C1GALT1: variants seen among roughly 807,000 people sequenced by gnomAD.
The protein encoded by C1GALT1 is glycoprotein-N-acetylgalactosamine 3-beta-galactosyltransferase 1.
A neutral mutation model predicts 31.0 loss-of-function variants in C1GALT1; 11 were observed. The ratio of observed to expected loss-of-function variants is 0.36; its 90% CI spans 0.22 to 0.59. The LOEUF (loss-of-function observed/expected upper bound fraction) is 0.59. Among genes scored for constraint, C1GALT1 ranks in the 20% least tolerant of loss-of-function variants. C1GALT1 has a pLI of 0.79. For missense variants in C1GALT1, 424 were observed against 425.2 expected (o/e 1.00, Z 0.03); for synonymous variants, 175 against 143.6 (o/e 1.22, Z -1.56).
chr7:7,236,995 C>T (rs1783389773), intron 2 of C1GALT1, among the ~76,000 whole-genome samples: 1 of 152,182 alleles, frequency 6.6e-6, no homozygotes, highest in African/African-American at 2.4e-5. Flanking sequence ...CTGCCCAGAA[C>T]ATTGCTACTG....
intron 1 of C1GALT1, among the ~76,000 whole-genome samples, chr7:7,203,913 C>T (rs1243356905): frequency 1.3e-5 from 2 of 152,062 alleles, no homozygotes; most frequent in African/African-American, 2.4e-5. Flanking sequence ...ACTTATTTCT[C>T]CAACTATTAT....
rs146094121 is a variant in C1GALT1, at chr7:7,232,326, G to C, written c.-17-1977G>C. Among the ~76,000 whole-genome samples the C allele has an allele frequency of 4.6e-5, 7 of 152,254 alleles. No homozygotes were observed. The East Asian group carries it at 1.3e-3, about 29-fold the overall frequency. On this transcript the variant is annotated intron_variant, in intron 1 of 3. Coordinates refer to ENST00000436587, the MANE Select transcript of C1GALT1 (RefSeq NM_020156.5). Reference sequence around the variant, plus strand: ...TTGTTTTGTTTTTATTATTGTAGTGGTGATTGTTGGTTTGTACTTTTGCTT... The same window carrying C: ...TTGTTTTGTTTTTATTATTGTAGTGCTGATTGTTGGTTTGTACTTTTGCTT...
chr7:7,180,817 AG>A (rs1780566536), upstream of C1GALT1, among the ~76,000 whole-genome samples: 2 of 151,928 alleles, frequency 1.3e-5, no homozygotes, highest in African/African-American at 4.8e-5. Flanking sequence ...TTCAGCCTTC[AG>A]CCCAGTTATT....
chr7:7,203,456 GT>G (rs200138864), intron 1 of C1GALT1, among the ~76,000 whole-genome samples: 60 of 150,998 alleles, frequency 4.0e-4, no homozygotes, highest in African/African-American at 1.3e-3. Context: ...ACCATGTAGG[GT>G]TTTTTTTTCC....
rs1208934118 is a variant in C1GALT1 at position 7,245,160 on chromosome 7, C to T, written c.*1433C>T. On this transcript the variant is annotated 3_prime_UTR_variant, in exon 4 of 4. Coordinates refer to ENST00000436587, the MANE Select transcript of C1GALT1 (RefSeq NM_020156.5). ...TGGTACAAAGTATTTACATTTCCCT[C>T]ATGTTTATCATTATGCCAATTTTAC... The T allele has an allele frequency of 1.3e-5, 2 of 152,238 alleles. No individual in the cohort carries two copies. The highest frequency in any genetic ancestry group is 4.8e-5 in the African/African-American group (2 of 41,452). 9.4% of individuals were successfully genotyped at this position (152,238 alleles called of 1,614,324 possible).
At position 7,193,085 on chromosome 7, in the gene C1GALT1, A is replaced by G. The variant is rs551510244; in HGVS notation, c.-18+10265A>G. 3.3e-5 allele frequency among the ~76,000 whole-genome samples: 5 copies of G among 151,286 alleles called. No individual in the cohort carries two copies. In the South Asian group the frequency reaches 6.3e-4, roughly 19 times the overall value. Reference sequence around the variant, plus strand: ...TTTGTCAGATGCATAGTTTACCAAGATTTTCTCCACTCTGTGGGTTGTCTG... The same window carrying G: ...TTTGTCAGATGCATAGTTTACCAAGGTTTTCTCCACTCTGTGGGTTGTCTG... On this transcript the variant is annotated intron_variant, in intron 1 of 3. Coordinates refer to ENST00000436587, the MANE Select transcript of C1GALT1 (RefSeq NM_020156.5).
upstream of C1GALT1, among the ~76,000 whole-genome samples, chr7:7,180,793 G>A (rs1780565931): frequency 6.6e-6 from 1 of 152,136 alleles, no homozygotes; most frequent in African/African-American, 2.4e-5. Context: ...GGGAGGCTAA[G>A]GCGGGAAGAT....
At chr7:7,183,496 A>T in intron 1 of C1GALT1, 1 of 747,426 alleles carries the variant, frequency 1.3e-6, no homozygotes, top group Non-Finnish European at 1.6e-6. Flanking sequence ...GAAGAAAGGC[A>T]TTAAATTTTT....
At chr7:7,204,813 T>A (rs999954307) in intron 1 of C1GALT1, among the ~76,000 whole-genome samples, 2 of 152,182 alleles carry the variant, frequency 1.3e-5, no homozygotes, top group Non-Finnish European at 2.9e-5. Flanking sequence ...CATTGGTTGT[T>A]TGATTTCCAC....
chr7:7,173,582 T>C (rs1432273432), intron 2 of C1GALT1, among the ~76,000 whole-genome samples: 3 of 152,210 alleles, frequency 2.0e-5, no homozygotes, highest in African/African-American at 7.2e-5. Context: ...TACCTTGTAT[T>C]AGTCTGTTTG....
intron 1 of C1GALT1, among the ~76,000 whole-genome samples, chr7:7,205,026 C>T (rs931703823): frequency 2.6e-5 from 4 of 152,166 alleles, no homozygotes; most frequent in African/African-American, 4.8e-5. Context: ...AATGTTCAGT[C>T]TATGTCTGTT....
At chr7:7,239,534 G>A (rs1783528015) in intron 3 of C1GALT1, among the ~76,000 whole-genome samples, 1 of 152,184 alleles carries the variant, frequency 6.6e-6, no homozygotes, top group South Asian at 2.1e-4. Flanking sequence ...AGCCTTGGAT[G>A]ACATCTGAGC....
In C1GALT1 at chr7:7,246,799, T is replaced by C. The variant is rs1783865470; in HGVS notation, c.*3072T>C. ...GGTGCAAGTAGTGTTTGAAACACACTGAAGATTACTGCCCAATTACTAAGA... is the reference window on the plus strand; with the variant it reads ...GGTGCAAGTAGTGTTTGAAACACACCGAAGATTACTGCCCAATTACTAAGA... On this transcript the variant is annotated 3_prime_UTR_variant, in exon 4 of 4. Transcript: ENST00000436587. 1 of 152,196 alleles carries C rather than the reference T, an allele frequency of 6.6e-6. No individual in the cohort carries two copies. The highest frequency in any genetic ancestry group is 1.5e-5 in the Non-Finnish European group (1 of 68,048). The allele number at this position is 152,196 out of a possible 1,614,324, so 9.4% of individuals were successfully genotyped here. A position where few individuals can be genotyped will look rare whatever the true frequency, so the allele number is the denominator to read the frequency against.
chr7:7,239,050 G>C lies in C1GALT1; in HGVS notation c.888+128G>C, dbSNP rs1040837817. On this transcript the variant is annotated intron_variant, in intron 3 of 3. Coordinates refer to ENST00000436587, the MANE Select transcript of C1GALT1 (RefSeq NM_020156.5). ...GACTCTTCCTTAGTCTTTTTAAATA[G>C]AGTGGCAGTATAACAAAATAGATGA... 28 of 746,266 alleles carry C rather than the reference G, an allele frequency of 3.8e-5. No homozygotes were observed. The Middle Eastern group carries it at 3.1e-3, about 82-fold the overall frequency. 46.2% of individuals were successfully genotyped at this position (746,266 alleles called of 1,614,324 possible).
chr7:7,230,279 C>T (rs1043608018), intron 1 of C1GALT1, among the ~76,000 whole-genome samples: 2 of 152,018 alleles, frequency 1.3e-5, no homozygotes, highest in Non-Finnish European at 2.9e-5. Context: ...AATGTTAATA[C>T]AGAAAAGTAT....
chr7:7,245,968 G>C lies in C1GALT1; in HGVS notation c.*2241G>C, dbSNP rs559152361. On this transcript the variant is annotated 3_prime_UTR_variant, in exon 4 of 4. Transcript: ENST00000436587. ...TTTTATGAGGATTAAATAAATGTAA[G>C]GTTTTTAGAACATTGATAGGGAGCA... 6.6e-6 allele frequency: 1 copy of C among 152,116 alleles called. No homozygotes were observed. Among genetic ancestry groups the C allele is most frequent in the East Asian group, 1.9e-4 (1 of 5,174 alleles). 9.4% of individuals were successfully genotyped at this position (152,116 alleles called of 1,614,324 possible). A position where few individuals can be genotyped will look rare whatever the true frequency, so the allele number is the denominator to read the frequency against.
At chr7:7,239,090 G>C in intron 3 of C1GALT1, 168 bp downstream of exon 3, 1 of 602,268 alleles carries the variant, frequency 1.7e-6, no homozygotes, top group South Asian at 2.2e-5. Context: ...AGGGACATCA[G>C]CAATCAGCAG....
At chr7:7,192,963 T>C (rs1055239470) in intron 1 of C1GALT1, among the ~76,000 whole-genome samples, 1 of 152,072 alleles carries the variant, frequency 6.6e-6, no homozygotes, top group Non-Finnish European at 1.5e-5. Context: ...CTTTTGGGAA[T>C]TGTCTATTCA....
At chr7:7,171,493 C>G (rs766155920) in intron 2 of C1GALT1, among the ~76,000 whole-genome samples, 6 of 152,014 alleles carry the variant, frequency 3.9e-5, no homozygotes, top group African/African-American at 1.4e-4. Flanking sequence ...CTATTTGTGT[C>G]GTTAAATCTA....
Sources: allele counts gnomAD v4.1 joint callset (sites outside exome capture counted in the v4.1 genomes callset), GRCh38; gene constraint gnomAD v4.1.1; transcripts MANE v1.5; gene names NCBI Gene and HGNC (gene_info 2026-07-23, HGNC 2026-07-21).